The following AXIN1 variants were observed in gnomAD, a reference collection of about 807,000 sequenced individuals.
The protein encoded by AXIN1 is axin-1.
Under a neutral mutation model 76.4 loss-of-function variants are expected in AXIN1, and 30 were observed. The observed-to-expected ratio is 0.39, with a 90% confidence interval of 0.29 to 0.53. The LOEUF (loss-of-function observed/expected upper bound fraction) is 0.53. Among genes scored for constraint, AXIN1 ranks in the 20% least tolerant of loss-of-function variants. The probability of loss-of-function intolerance (pLI) is 0.66; values close to 1 mark genes in which losing one functional copy is unlikely to be tolerated. For synonymous variants in AXIN1, 545 were observed against 501.4 expected (o/e 1.09, Z -1.16); for missense variants, 1,140 against 1,198.8 (o/e 0.95, Z 0.72).
intron 2 of AXIN1, among the ~76,000 whole-genome samples, chr16:331,746 C>T (rs1597091903): frequency 6.6e-6 from 1 of 152,216 alleles, no homozygotes; most frequent in Non-Finnish European, 1.5e-5. Context: ...CCACACTGCA[C>T]CACGAAGCTA....
chr16:325,657 T>G (rs1026028705), intron 2 of AXIN1, among the ~76,000 whole-genome samples: 1 of 152,254 alleles, frequency 6.6e-6, no homozygotes, highest in Non-Finnish European at 1.5e-5. Context: ...GAGTGATGGC[T>G]GCCACAGCGT....
intron 5 of AXIN1, among the ~76,000 whole-genome samples, chr16:301,381 C>T (rs2052868469): frequency 6.6e-6 from 1 of 151,654 alleles, no homozygotes; most frequent in East Asian, 1.9e-4. Flanking sequence ...CACCTGTGGG[C>T]ACTGCCATGC....
intron 2 of AXIN1, among the ~76,000 whole-genome samples, chr16:343,010 G>C (rs1410745218): frequency 1.3e-5 from 2 of 152,210 alleles, no homozygotes; most frequent in Non-Finnish European, 2.9e-5. Flanking sequence ...TTCATGCCCT[G>C]TCTGTGCTGA....
intron 1 of AXIN1, among the ~76,000 whole-genome samples, chr16:350,531 T>C (rs1031612051): frequency 1.9e-4 from 29 of 152,230 alleles, no homozygotes; most frequent in African/African-American, 6.8e-4. Context: ...CCTACGTGTG[T>C]AGGTATTTAT....
At chr16:301,064 A>G (rs994005099) in intron 5 of AXIN1, among the ~76,000 whole-genome samples, 2 of 152,010 alleles carry the variant, frequency 1.3e-5, no homozygotes, top group Non-Finnish European at 2.9e-5. Context: ...AGGTCGGGAG[A>G]TCGAGACCAT....
At chr16:328,513 T>C (rs2053627077) in intron 2 of AXIN1, among the ~76,000 whole-genome samples, 1 of 147,944 alleles carries the variant, frequency 6.8e-6, no homozygotes, top group Non-Finnish European at 1.5e-5. Context: ...CTGACCAACA[T>C]GGAGAAACCC....
At chr16:338,198 A>G (rs892166362) in intron 2 of AXIN1, among the ~76,000 whole-genome samples, 2 of 152,194 alleles carry the variant, frequency 1.3e-5, no homozygotes, top group Non-Finnish European at 2.9e-5. Flanking sequence ...GCAGAACCGG[A>G]GCGTGTGCGT....
chr16:341,638 A>G (rs997179977), intron 2 of AXIN1, among the ~76,000 whole-genome samples: 17 of 152,202 alleles, frequency 1.1e-4, no homozygotes, highest in African/African-American at 2.4e-4. Flanking sequence ...GGCGCACGGC[A>G]CGGGACTGGC....
chr16:315,160 G>A (rs2053271730), intron 2 of AXIN1, among the ~76,000 whole-genome samples: 1 of 152,208 alleles, frequency 6.6e-6, no homozygotes, highest in African/African-American at 2.4e-5. Flanking sequence ...GACAGTGTGT[G>A]TGGGTGGTGC....
intron 3 of AXIN1, among the ~76,000 whole-genome samples, chr16:313,457 A>G (rs2053228042): frequency 6.6e-6 from 1 of 152,234 alleles, no homozygotes; most frequent in Admixed American, 6.5e-5. Flanking sequence ...AACCCAGCTA[A>G]GCGGGAAAGA....
At chr16:310,856 G>T (rs2053159077) in intron 3 of AXIN1, among the ~76,000 whole-genome samples, 1 of 152,222 alleles carries the variant, frequency 6.6e-6, no homozygotes, top group African/African-American at 2.4e-5. Context: ...TGCCTTGGAG[G>T]GCATTGCTAA....
intron 2 of AXIN1, 113 bp from the exon 3 acceptor site, chr16:314,796 AT>A: frequency 1.4e-6 from 2 of 1,475,858 alleles, no homozygotes; most frequent in Admixed American, 1.9e-5. Flanking sequence ...AACACAAGCA[AT>A]TTGGAGAAAA....
chr16:297,031 G>A (rs2052728954), intron 7 of AXIN1, 25 bp downstream of exon 7: 1 of 1,607,396 alleles, frequency 6.2e-7, no homozygotes, highest in Non-Finnish European at 8.5e-7. Context: ...GGCCCCACGA[G>A]GCTGGCTGCG....
At chr16:340,126 C>A (rs915548196) in intron 2 of AXIN1, among the ~76,000 whole-genome samples, 2 of 152,028 alleles carry the variant, frequency 1.3e-5, no homozygotes, top group African/African-American at 4.8e-5. Flanking sequence ...ATGAGCAGGT[C>A]CGACGGTTCC....
intron 2 of AXIN1, among the ~76,000 whole-genome samples, chr16:336,349 G>C (rs190810948): frequency 6.6e-6 from 1 of 152,350 alleles, no homozygotes; most frequent in East Asian, 1.9e-4. Flanking sequence ...CAAAGAGCCA[G>C]TGGACACAAG....
intron 2 of AXIN1, among the ~76,000 whole-genome samples, chr16:336,739 C>T (rs1478654072): frequency 6.6e-6 from 1 of 150,992 alleles, no homozygotes; most frequent in Non-Finnish European, 1.5e-5. Flanking sequence ...ATCATTTGAA[C>T]CCAGGAGGCG....
intron 2 of AXIN1, among the ~76,000 whole-genome samples, chr16:328,917 C>T (rs2053634960): frequency 6.6e-6 from 1 of 152,106 alleles, no homozygotes; most frequent in Admixed American, 6.5e-5. Flanking sequence ...GAGGGTCTGC[C>T]AGGCACCCTG....
At chr16:316,161 A>G (rs1195263193) in intron 2 of AXIN1, among the ~76,000 whole-genome samples, 1 of 152,154 alleles carries the variant, frequency 6.6e-6, no homozygotes, top group African/African-American at 2.4e-5. Context: ...TTACACATAT[A>G]TTCTATTTTT....
intron 2 of AXIN1, among the ~76,000 whole-genome samples, chr16:343,710 A>C (rs1184064044): frequency 6.7e-6 from 1 of 148,680 alleles, no homozygotes; most frequent in Non-Finnish European, 1.5e-5. Context: ...CTCAAACAAA[A>C]AAACAAGCAA....
Sources: gnomAD v4.1 joint callset for allele counts (sites outside exome capture counted in the v4.1 genomes callset) on GRCh38, gnomAD v4.1.1 for gene constraint, MANE v1.5 for transcripts, NCBI Gene and HGNC (gene_info 2026-07-23, HGNC 2026-07-21) for gene names.